The following PARVB variants were observed in gnomAD, a reference collection of about 807,000 sequenced individuals.
The protein encoded by PARVB is beta-parvin.
In PARVB, 46 loss-of-function variants were observed where a neutral mutation model predicts 47.0. The observed-to-expected ratio is 0.98, with a 90% CI of 0.77 to 1.25. The LOEUF (loss-of-function observed/expected upper bound fraction) is 1.25. PARVB is among the 50% of genes most tolerant of loss of function. The pLI is 0.00. For synonymous variants in PARVB, 196 were observed against 196.3 expected (o/e 1.00, Z 0.01); for missense variants, 473 against 471.6 (o/e 1.00, Z -0.03).
chr22:44,094,168 A>G (rs1471833786), intron 2 of PARVB, 151 bp downstream of exon 2: 4 of 521,282 alleles, frequency 7.7e-6, no homozygotes, highest in Admixed American at 3.7e-5. Flanking sequence ...GCTCAAGGTC[A>G]TCTTTAGAAA....
At chr22:44,146,293 TCACACGCACACACGTGCTCA>T (rs1375869899) in intron 8 of PARVB, 2 of 138,738 alleles carry the variant, frequency 1.4e-5, no homozygotes, top group African/African-American at 5.6e-5. Context: ...ACACACAACC[TCACACGCACACACGTGCTCA>T]CACACGCACA....
chr22:44,006,293 A>G (rs2146846821), intron 2 of PARVB, among the ~76,000 whole-genome samples: 1 of 152,066 alleles, frequency 6.6e-6, no homozygotes. Context: ...ATCTTACGCC[A>G]CTCCAAGTGT....
intron 1 of PARVB, among the ~76,000 whole-genome samples, chr22:44,029,477 A>G (rs1369961814): frequency 6.6e-6 from 1 of 152,148 alleles, no homozygotes; most frequent in Non-Finnish European, 1.5e-5. Flanking sequence ...AGATATTGAG[A>G]CCTCATCAAC....
Position 44,168,759 on chromosome 22 carries a change from C to A in PARVB, c.*81C>A. On this transcript the variant is annotated 3_prime_UTR_variant, in exon 13 of 13. Transcript: ENST00000338758. ...TGTGCCCTGTGCCTTTCCAGGGAGC[C>A]AGGCGCCATGGGCTTCTGGTCCAAG... is the stretch of plus-strand genomic sequence containing the variant. 1 of 986,020 alleles carries A rather than the reference C, an allele frequency of 1.0e-6. No individual in the cohort carries two copies. 61.1% of individuals were successfully genotyped at this position (986,020 alleles called of 1,614,324 possible).
chr22:44,118,358 G>T (rs532106988), intron 3 of PARVB, among the ~76,000 whole-genome samples: 1 of 152,240 alleles, frequency 6.6e-6, no homozygotes, highest in African/African-American at 2.4e-5. Flanking sequence ...AGCCAAATCC[G>T]TGGAGAGGGG....
chr22:44,034,191 A>C (rs1017609258), intron 1 of PARVB, among the ~76,000 whole-genome samples: 1 of 148,846 alleles, frequency 6.7e-6, no homozygotes, highest in African/African-American at 2.5e-5. Flanking sequence ...TGCAACAGCA[A>C]TTATAATTAT....
chr22:44,069,204 ACCCAGGCCAG>A, intron 1 of PARVB: 3 of 1,555,426 alleles, frequency 1.9e-6, no homozygotes, highest in Non-Finnish European at 2.7e-6. Context: ...CAGGAGCTAA[ACCCAGGCCAG>A]CCCTTCTTTT....
At chr22:44,117,199 G>T (rs1009469521) in intron 3 of PARVB, among the ~76,000 whole-genome samples, 1 of 152,136 alleles carries the variant, frequency 6.6e-6, no homozygotes, top group African/African-American at 2.4e-5. Context: ...TAGGGACGGC[G>T]CTGGAAGTTG....
At chr22:44,005,573 G>A (rs950957661) in intron 2 of PARVB, among the ~76,000 whole-genome samples, 1 of 152,018 alleles carries the variant, frequency 6.6e-6, no homozygotes, top group African/African-American at 2.4e-5. Context: ...CTGGAGGCAG[G>A]GTACCTAAGG....
intron 1 of PARVB, among the ~76,000 whole-genome samples, chr22:44,071,228 C>T (rs566532312): frequency 5.9e-5 from 9 of 152,268 alleles, no homozygotes; most frequent in African/African-American, 1.4e-4. Flanking sequence ...CTTAACTTCA[C>T]GACTCCTCCA....
intron 9 of PARVB, chr22:44,148,836 C>A (rs545840521): frequency 6.6e-6 from 1 of 152,110 alleles, no homozygotes; most frequent in Non-Finnish European, 1.5e-5. Context: ...TGGGTTTGGA[C>A]GATGAGATCA....
At chr22:44,026,563 T>C (rs1048829608) in intron 1 of PARVB, among the ~76,000 whole-genome samples, 1 of 152,160 alleles carries the variant, frequency 6.6e-6, no homozygotes, top group Non-Finnish European at 1.5e-5. Flanking sequence ...GCTTGAATAA[T>C]TGAGAGTCGC....
At chr22:44,061,172 T>C (rs1156844783) in intron 1 of PARVB, among the ~76,000 whole-genome samples, 3 of 152,144 alleles carry the variant, frequency 2.0e-5, no homozygotes, top group Non-Finnish European at 2.9e-5. Context: ...CTCATGCCTG[T>C]AATCCCAGCA....
Position 44,132,971 on chromosome 22 carries a change from C to T in PARVB, c.595C>T (p.Leu199Phe), listed in dbSNP as rs371546618. Residue 199 changes from leucine (L) to phenylalanine (F), a missense_variant, in exon 6 of 13, where the codon CTT becomes TTT. Coordinates refer to ENST00000338758, the MANE Select transcript of PARVB (RefSeq NM_013327.5). ...CATGCACTTCAGGGCCCCCATCCGC[C>T]TTCCTGAGCATGTAACGGTGCAGGT... ...LAMHFRAPIR[L>F]PEHVTVQVVV... is the part of the protein sequence containing the mutation. The T allele has an allele frequency of 3.5e-5, 56 of 1,614,016 alleles. No individual in the cohort carries two copies. The Middle Eastern group carries it at 4.9e-4, about 14-fold the overall frequency.
intron 1 of PARVB, among the ~76,000 whole-genome samples, chr22:44,058,980 TGG>T (rs11296449): frequency 5.4e-5 from 8 of 146,904 alleles, no homozygotes; most frequent in Non-Finnish European, 1.2e-4. Context: ...GAGGGTGTGA[TGG>T]GGGGGGGAAA....
intron 11 of PARVB, among the ~76,000 whole-genome samples, 178 bp from the exon 12 acceptor site, chr22:44,163,680 C>T (rs781361421): frequency 5.3e-5 from 8 of 152,256 alleles, no homozygotes; most frequent in Middle Eastern, 6.8e-3. Flanking sequence ...CATGGCCCTC[C>T]GCAGACTTCC....
At chr22:44,144,668 C>T (rs2053625953) in intron 8 of PARVB, 1 of 152,232 alleles carries the variant, frequency 6.6e-6, no homozygotes, top group Non-Finnish European at 1.5e-5. Flanking sequence ...TGTGGTGGTG[C>T]ATGCCTGTAG....
At chr22:44,067,801 G>A (rs1235841743) in intron 1 of PARVB, among the ~76,000 whole-genome samples, 1 of 152,168 alleles carries the variant, frequency 6.6e-6, no homozygotes, top group Non-Finnish European at 1.5e-5. Context: ...GATTAGCCCT[G>A]GGGACCTGCA....
intron 8 of PARVB, chr22:44,145,479 C>G (rs139068): frequency 0.3 from 45,592 of 152,256 alleles, 7,334 homozygotes; most frequent in Non-Finnish European, 0.37. Flanking sequence ...TCTGCGGCTC[C>G]CAGGGCTGCT....
Sources: allele counts gnomAD v4.1 joint callset (sites outside exome capture counted in the v4.1 genomes callset), GRCh38; gene constraint gnomAD v4.1.1; transcripts MANE v1.5; gene names NCBI Gene and HGNC (gene_info 2026-07-23, HGNC 2026-07-21).